ATP4B: variants seen among roughly 807,000 people sequenced by gnomAD.
The protein encoded by ATP4B is ATPase H+/K+ transporting subunit beta, also known as potassium-transporting ATPase subunit beta.
In ATP4B, 27 loss-of-function variants were observed where a neutral mutation model predicts 35.3. That is an observed-to-expected ratio of 0.76 (90% CI 0.56 to 1.05). The LOEUF is 1.05. ATP4B is among the 50% of genes least tolerant of loss of function. The pLI is 0.00. For synonymous variants in ATP4B, 162 were observed against 156.0 expected (o/e 1.04, Z -0.29); for missense variants, 375 against 384.8 (o/e 0.97, Z 0.21).
In ATP4B at chr13:113,653,238, C is replaced by T. The variant is rs559890514; in HGVS notation, c.355+83G>A. 2.4e-5 allele frequency: 33 copies of T among 1,353,748 alleles called. No individual in the cohort carries two copies. Among genetic ancestry groups the T allele is most frequent in the South Asian group, 1.5e-4 (12 of 79,222 alleles). 83.9% of individuals were successfully genotyped at this position (1,353,748 alleles called of 1,614,324 possible). A position where few individuals can be genotyped will look rare whatever the true frequency, so the allele number is the denominator to read the frequency against. The stretch of plus-strand genomic sequence containing the variant: ...CCTGCTGCTTCACACCTCACCCACC[C>T]GCCGCTTCACACCTCACCCACCCGC... On this transcript the variant is annotated intron_variant, in intron 3 of 6. Coordinates refer to ENST00000335288, the MANE Select transcript of ATP4B (RefSeq NM_000705.4).
chr13:113,655,982 C>T (rs1485056701), intron 1 of ATP4B, among the ~76,000 whole-genome samples: 2 of 152,262 alleles, frequency 1.3e-5, no homozygotes, highest in African/African-American at 4.8e-5. Context: ...TCAGCACCAG[C>T]TGGGCTCAGG....
intron 1 of ATP4B, among the ~76,000 whole-genome samples, chr13:113,655,601 G>T (rs1333990936): frequency 2.0e-5 from 3 of 152,216 alleles, no homozygotes; most frequent in Admixed American, 2.0e-4. Context: ...GGCGGCTCCT[G>T]GACACAGGCG....
rs111228991 is a variant in ATP4B at position 113,656,497 on chromosome 13, C to T, written c.112+1536G>A. 6.7e-3 allele frequency among the ~76,000 whole-genome samples: 1,017 copies of T among 152,296 alleles called. 14 individuals are homozygous for T. The highest frequency in any genetic ancestry group is 0.023 in the African/African-American group (947 of 41,572). On this transcript the variant is annotated intron_variant, in intron 1 of 6. Transcript: ENST00000335288. Reference sequence around the variant, plus strand: ...CCCAGGCTCGGGAGGGCCATGCTCCCTGCACTTCCTGGGCCCCCGCTTGCA... The same window carrying T: ...CCCAGGCTCGGGAGGGCCATGCTCCTTGCACTTCCTGGGCCCCCGCTTGCA...
chr13:113,653,944 G>A (rs1201325041), intron 2 of ATP4B, among the ~76,000 whole-genome samples: 1 of 152,218 alleles, frequency 6.6e-6, no homozygotes, highest in Admixed American at 6.5e-5. Flanking sequence ...TCCTGTTTCT[G>A]TGGAAACACA....
Position 113,653,085 on chromosome 13 carries a change from G to A in ATP4B, c.356-13C>T, listed in dbSNP as rs201416868. ...GCTGGAGAGTAGCCTGCAGACGGAC[G>A]CACCTGCCAGCCCTGTCCTGCCCTG... is the stretch of plus-strand genomic sequence containing the variant. On this transcript the variant is annotated splice_polypyrimidine_tract_variant and intron_variant, in intron 3 of 6. Coordinates refer to ENST00000335288, the MANE Select transcript of ATP4B (RefSeq NM_000705.4). 397 of 1,601,564 alleles carry A rather than the reference G, an allele frequency of 2.5e-4. No individual in the cohort carries two copies. The highest frequency in any genetic ancestry group is 9.0e-4 in the East Asian group (40 of 44,638).
intron 5 of ATP4B, among the ~76,000 whole-genome samples, chr13:113,651,444 C>A (rs2049711300): frequency 6.6e-6 from 1 of 152,242 alleles, no homozygotes; most frequent in African/African-American, 2.4e-5. Context: ...TACTCAGATG[C>A]TTCTGGAAGC....
Position 113,649,999 on chromosome 13 carries a change from T to TA in ATP4B, c.714+406dup, listed in dbSNP as rs894936976. Among the ~76,000 whole-genome samples the TA allele has an allele frequency of 2.6e-5, 4 of 151,962 alleles. No individual in the cohort carries two copies. Among genetic ancestry groups the TA allele is most frequent in the Non-Finnish European group, 4.4e-5 (3 of 67,982 alleles). ...GCAACATACTGAGACCCTTTCTCTA[T>TA]AAAAAATACGAAAATTAGCTGGGCA... On this transcript the variant is annotated intron_variant, in intron 6 of 6. Transcript: ENST00000335288. This position sits in a 1 kb window ranked among gnomAD's most constrained non-coding sequence, Gnocchi z 4.7.
At chr13:113,657,860 G>A (rs1473112267) in intron 1 of ATP4B, among the ~76,000 whole-genome samples, 173 bp downstream of exon 1, 12 of 152,298 alleles carry the variant, frequency 7.9e-5, no homozygotes, top group South Asian at 4.1e-4. Flanking sequence ...GGGGACCCTC[G>A]CTTTCCCTGG....
intron 1 of ATP4B, among the ~76,000 whole-genome samples, chr13:113,657,293 G>A (rs1210233746): frequency 1.3e-5 from 2 of 152,316 alleles, no homozygotes; most frequent in African/African-American, 2.4e-5. Flanking sequence ...CAGTTCAGCC[G>A]CATCCCGACG....
chr13:113,651,662 C>T lies in ATP4B; in HGVS notation c.612+9G>A, dbSNP rs773058837. On this transcript the variant is annotated intron_variant, in intron 5 of 6. Transcript: ENST00000335288. Reference sequence around the variant, plus strand: ...GGGGCAGCCCTGCCCGCCGCGCGGCCGTACTCACCAGGAAGGCGCAGTCCA... The same window carrying T: ...GGGGCAGCCCTGCCCGCCGCGCGGCTGTACTCACCAGGAAGGCGCAGTCCA... 129 of 1,609,892 alleles carry T rather than the reference C, an allele frequency of 8.0e-5. No homozygotes were observed. The highest frequency in any genetic ancestry group is 4.4e-4 in the Admixed American group (26 of 59,546).
chr13:113,653,524 C>T (rs878939603), intron 2 of ATP4B, 90 bp from the exon 3 acceptor site: 153 of 1,185,524 alleles, frequency 1.3e-4, no homozygotes, highest in South Asian at 6.7e-4. Context: ...ACGCCAGAGG[C>T]GGTGGCCCAA....
At chr13:113,651,949 A>G (rs2049715906) in intron 4 of ATP4B, among the ~76,000 whole-genome samples, 1 of 151,696 alleles carries the variant, frequency 6.6e-6, no homozygotes, top group South Asian at 2.1e-4. Context: ...CCCACCCATC[A>G]GCAAGCCACT....
chr13:113,651,640 G>T, intron 5 of ATP4B, 31 bp downstream of exon 5: 1 of 1,571,870 alleles, frequency 6.4e-7, no homozygotes, highest in Non-Finnish European at 8.6e-7. Context: ...CTTTCCTGGG[G>T]CAGCCCTGCC....
At chr13:113,651,090 C>T (rs4074271) in intron 5 of ATP4B, among the ~76,000 whole-genome samples, 1 of 151,776 alleles carries the variant, frequency 6.6e-6, no homozygotes, top group Non-Finnish European at 1.5e-5. Context: ...GTGAGGTTCC[C>T]TCGGACACCC....
chr13:113,654,972 C>T (rs1410169785), intron 1 of ATP4B, 30 bp from the exon 2 acceptor site: 1 of 1,612,696 alleles, frequency 6.2e-7, no homozygotes, highest in Non-Finnish European at 8.5e-7. Flanking sequence ...CAAAATTTAC[C>T]ACGTCAGCCA....
Position 113,653,902 on chromosome 13 carries a change from T to C in ATP4B, c.242-468A>G, listed in dbSNP as rs139479263. Among the ~76,000 whole-genome samples, 432 of 152,370 alleles carry C rather than the reference T, an allele frequency of 2.8e-3. 2 individuals carry two copies. The highest frequency in any genetic ancestry group is 0.01 in the African/African-American group (416 of 41,590). On this transcript the variant is annotated intron_variant, in intron 2 of 6. Transcript: ENST00000335288. ...CGCAGAGCCGTCGACTTTCCCGATGTGAACCGTCAAATGTGCATCCTTTGC... is the reference window on the plus strand; with the variant it reads ...CGCAGAGCCGTCGACTTTCCCGATGCGAACCGTCAAATGTGCATCCTTTGC...
In ATP4B at chr13:113,658,134, A is replaced by T. The variant is rs145994429; in HGVS notation, c.11T>A (p.Leu4Gln). Reference protein sequence around the residue: MAALQEKKTCGQRM... With the variant: MAAQQEKKTCGQRM... ...CTGGCCACACGTCTTCTTCTCCTGC[A>T]GAGCCGCCATCGTCCCTGGCCTGAG... is the stretch of plus-strand genomic sequence containing the variant. The change falls in exon 1 of 7, where the codon CTG becomes CAG. Residue 4 changes from leucine (L) to glutamine (Q), a missense_variant. By Grantham distance (113) the Leu-to-Gln change is moderately radical. Transcript: ENST00000335288. 8 of 1,612,440 alleles carry T rather than the reference A, an allele frequency of 5.0e-6. No individual in the cohort carries two copies. In the Middle Eastern group the frequency reaches 4.9e-4, roughly 99 times the overall value.
intron 4 of ATP4B, 38 bp from the exon 5 acceptor site, chr13:113,651,765 C>G: frequency 6.2e-7 from 1 of 1,607,618 alleles, no homozygotes; most frequent in Non-Finnish European, 8.5e-7. Flanking sequence ...GCTCCCCACC[C>G]CCACCGCCAT....
rs773579097 is a variant in ATP4B at position 113,658,051 on chromosome 13, G to T, written c.94C>A (p.Arg32Ser). 1.2e-6 allele frequency: 2 copies of T among 1,605,474 alleles called. No individual in the cohort carries two copies. Among genetic ancestry groups the T allele is most frequent in the Non-Finnish European group, 1.7e-6 (2 of 1,176,976 alleles). Residue 32 changes from arginine to serine, a missense_variant, in exon 1 of 7, where the codon CGC becomes AGC. By Grantham distance (110) the Arg-to-Ser change is moderately radical. Transcript: ENST00000335288. ...CACGTACCCCACCGGGACAGGGTGC[G>T]GCCCAGCATCTGCCCCGTGTCCGGG... ...WNPDTGQMLG[R>S]TLSRWVWISL...
Sources: gnomAD v4.1 joint callset for allele counts (sites outside exome capture counted in the v4.1 genomes callset) on GRCh38, gnomAD v4.1.1 for gene constraint, Gnocchi (gnomAD v3.1) non-coding constraint, MANE v1.5 for transcripts, NCBI Gene and HGNC (gene_info 2026-07-23, HGNC 2026-07-21) for gene names.